The following B3GALT1 variants were observed in gnomAD, a reference collection of about 807,000 sequenced individuals.
B3GALT1 encodes beta-1,3-galactosyltransferase 1, also known as UDP-Gal:betaGlcNAc beta 1,3-galactosyltransferase, polypeptide 1.
In B3GALT1, 10 loss-of-function variants were observed where a neutral mutation model predicts 23.2. That is an observed-to-expected ratio of 0.43 (90% CI 0.27 to 0.73). The LOEUF is 0.73. B3GALT1 is among the 30% of genes least tolerant of loss of function. B3GALT1 has a pLI of 0.21. For synonymous variants in B3GALT1, 156 were observed against 141.5 expected, an observed-to-expected ratio of 1.10 and a Z score of -0.73; for missense variants, 299 against 405.4, an observed-to-expected ratio of 0.74 and a Z score of 2.25.
intron 1 of B3GALT1, among the ~76,000 whole-genome samples, chr2:167,339,298 G>T (rs745701493): frequency 6.6e-6 from 1 of 151,874 alleles, no homozygotes; most frequent in Non-Finnish European, 1.5e-5. Flanking sequence ...AGCAAGTTGC[G>T]CAGGTAATAC....
intron 3 of B3GALT1, among the ~76,000 whole-genome samples, chr2:167,649,233 T>G (rs556250930): frequency 6.6e-6 from 1 of 152,270 alleles, no homozygotes; most frequent in Non-Finnish European, 1.5e-5. Context: ...TTCATTTGCA[T>G]TCACTCTAAT....
chr2:167,644,624 C>T (rs1200751128), intron 2 of B3GALT1, among the ~76,000 whole-genome samples: 1 of 151,552 alleles, frequency 6.6e-6, no homozygotes, highest in Non-Finnish European at 1.5e-5. Context: ...ACTAAAAATA[C>T]AAAAAATTAG....
At chr2:167,303,057 T>C (rs1696475657) in intron 1 of B3GALT1, among the ~76,000 whole-genome samples, 1 of 152,218 alleles carries the variant, frequency 6.6e-6, no homozygotes, top group Non-Finnish European at 1.5e-5. Flanking sequence ...TCATGAACTA[T>C]ATTTGAGCAA....
intron 1 of B3GALT1, among the ~76,000 whole-genome samples, chr2:167,460,598 T>C (rs1259266434): frequency 6.6e-6 from 1 of 151,870 alleles, no homozygotes; most frequent in East Asian, 1.9e-4. Context: ...TGCCATCAGA[T>C]CTTTTTCAGG....
chr2:167,638,489 G>A (rs897383640), intron 2 of B3GALT1, among the ~76,000 whole-genome samples: 6 of 152,018 alleles, frequency 3.9e-5, no homozygotes, highest in Admixed American at 1.3e-4. Context: ...AGTGAGATTT[G>A]TGTTTGAAAC....
At position 167,837,831 on chromosome 2, in the gene B3GALT1, C is replaced by A. The variant is rs1238096438; in HGVS notation, c.-230+19038C>A. On this transcript the variant is annotated intron_variant, in intron 4 of 4. Transcript: ENST00000392690. Reference sequence around the variant, plus strand: ...ACAGAAATTATAACAAACTCTCTCTCAGACCACAGTGCAATCAAACTAGAA... The same window carrying A: ...ACAGAAATTATAACAAACTCTCTCTAAGACCACAGTGCAATCAAACTAGAA... Among the ~76,000 whole-genome samples, 11 of 151,982 alleles carry A rather than the reference C, an allele frequency of 7.2e-5. 1 individual carries two copies. The highest frequency in any genetic ancestry group is 2.7e-4 in the African/African-American group (11 of 41,486).
At chr2:167,646,393 C>T (rs753581830) in intron 2 of B3GALT1, among the ~76,000 whole-genome samples, 16 of 152,128 alleles carry the variant, frequency 1.1e-4, no homozygotes, top group African/African-American at 1.9e-4. Context: ...GTGAAGGGAG[C>T]GAGAGAGAAC....
intron 2 of B3GALT1, among the ~76,000 whole-genome samples, chr2:167,611,258 T>C (rs1403739737): frequency 6.6e-6 from 1 of 152,076 alleles, no homozygotes; most frequent in East Asian, 1.9e-4. Flanking sequence ...ACCAATCATA[T>C]TGCCTATGTA....
chr2:167,475,160 T>C (rs1699471014), intron 1 of B3GALT1, among the ~76,000 whole-genome samples: 1 of 152,170 alleles, frequency 6.6e-6, no homozygotes, highest in Non-Finnish European at 1.5e-5. Context: ...TTCTAAGTTT[T>C]AGATTGCACA....
chr2:167,829,414 C>T (rs747324296), intron 4 of B3GALT1, among the ~76,000 whole-genome samples: 11 of 149,738 alleles, frequency 7.3e-5, no homozygotes, highest in African/African-American at 9.8e-5. Flanking sequence ...ATCTGGGAGG[C>T]GGAGGTTACA....
rs527891655 is a variant in B3GALT1, at chr2:167,760,799, C to T, written c.-351-57873C>T. Among the ~76,000 whole-genome samples the T allele has an allele frequency of 3.0e-4, 46 of 152,178 alleles. No homozygotes were observed. In the South Asian group the frequency reaches 8.5e-3, roughly 28 times the overall value. On this transcript the variant is annotated intron_variant, in intron 3 of 4. Transcript: ENST00000392690. ...CTACTAAGTGGAACTCTTATATGTG[C>T]GTTAAAATGCTTAATACATATCATG...
rs766292044 is a variant in B3GALT1, at chr2:167,869,285, C to A, written c.246C>A (p.Ile82=). Residue 82 remains isoleucine, a synonymous_variant, in exon 5 of 5, where the codon ATC becomes ATA. Transcript: ENST00000392690. This position sits in a 1 kb window ranked among gnomAD's most constrained non-coding sequence, Gnocchi z 6.4. The stretch of plus-strand genomic sequence containing the variant: ...AGAAAAACATTCCTTTTCTTGTTAT[C>A]CTCATCAGCACCACTCACAAGGAAT... ...KCEKNIPFLV[I]LISTTHKEFD... is the part of the protein sequence containing the mutation. 9.3e-6 allele frequency: 15 copies of A among 1,614,036 alleles called. 1 individual carries two copies. The highest frequency in any genetic ancestry group is 1.2e-5 in the Non-Finnish European group (14 of 1,180,042).
At chr2:167,724,476 T>G (rs1574232006) in intron 3 of B3GALT1, among the ~76,000 whole-genome samples, 1 of 152,340 alleles carries the variant, frequency 6.6e-6, no homozygotes, top group South Asian at 2.1e-4. Context: ...TTCTTATGCC[T>G]CTATAGTAGT....
chr2:167,552,971 T>A (rs1381827271), intron 2 of B3GALT1, among the ~76,000 whole-genome samples: 1 of 152,196 alleles, frequency 6.6e-6, no homozygotes, highest in Non-Finnish European at 1.5e-5. Context: ...GGAGTTTTAA[T>A]CAAGTCTTCA....
chr2:167,436,860 A>C (rs1698793863), intron 1 of B3GALT1, among the ~76,000 whole-genome samples: 1 of 152,154 alleles, frequency 6.6e-6, no homozygotes, highest in African/African-American at 2.4e-5. Context: ...ATTATTTCTG[A>C]AATTTGCCCC....
chr2:167,640,555 T>TC (rs35923253), intron 2 of B3GALT1, among the ~76,000 whole-genome samples: 107,367 of 151,318 alleles, frequency 0.71, 38,707 homozygotes, highest in Admixed American at 0.81. Context: ...GATTTTTTTT[T>TC]CCCCCTCAGA....
chr2:167,418,302 A>G (rs370057865), intron 1 of B3GALT1, among the ~76,000 whole-genome samples: 1 of 152,122 alleles, frequency 6.6e-6, no homozygotes, highest in South Asian at 2.1e-4. Context: ...CTTCTTAGAT[A>G]TGCATATAAG....
chr2:167,567,275 A>T (rs1394718880), intron 2 of B3GALT1, among the ~76,000 whole-genome samples: 1 of 152,204 alleles, frequency 6.6e-6, no homozygotes, highest in Non-Finnish European at 1.5e-5. Context: ...TGTAGATGAC[A>T]ATACCTGATT....
intron 1 of B3GALT1, among the ~76,000 whole-genome samples, chr2:167,445,145 G>A (rs1698959856): frequency 6.6e-6 from 1 of 152,182 alleles, no homozygotes; most frequent in African/African-American, 2.4e-5. Flanking sequence ...TCAGGAGCAG[G>A]TTGTTCAGTT....
Sources: gnomAD v4.1 joint callset for allele counts (sites outside exome capture counted in the v4.1 genomes callset) on GRCh38, gnomAD v4.1.1 for gene constraint, Gnocchi (gnomAD v3.1) non-coding constraint, MANE v1.5 for transcripts, NCBI Gene and HGNC (gene_info 2026-07-23, HGNC 2026-07-21) for gene names.